ADAMTS17: variants seen among roughly 807,000 people sequenced by gnomAD.
ADAMTS17 encodes A disintegrin and metalloproteinase with thrombospondin motifs 17.
ADAMTS17 carries 113 observed loss-of-function variants against 141.5 expected under a neutral mutation model. The ratio of observed to expected loss-of-function variants is 0.80; its 90% CI spans 0.69 to 0.93. The LOEUF is 0.93. Ranked by LOEUF, ADAMTS17 falls within the 40% of genes least tolerant of loss-of-function variation. The pLI is 0.00. For missense variants in ADAMTS17, 1,659 were observed against 1,517.9 expected, an observed-to-expected ratio of 1.09 and a Z score of -1.54; for synonymous variants, 768 against 630.6, an observed-to-expected ratio of 1.22 and a Z score of -3.27.
At chr15:100,021,332 G>A (rs1036213851) in intron 18 of ADAMTS17, among the ~76,000 whole-genome samples, 1 of 152,072 alleles carries the variant, frequency 6.6e-6, no homozygotes, top group Non-Finnish European at 1.5e-5. Context: ...CGTCATCTTG[G>A]ACTGCTCTCT....
At chr15:100,086,167 G>A (rs1362787277) in intron 15 of ADAMTS17, among the ~76,000 whole-genome samples, 2 of 151,900 alleles carry the variant, frequency 1.3e-5, no homozygotes, top group African/African-American at 4.8e-5. Flanking sequence ...CCAAGCAGAT[G>A]GAAAACAGAA....
chr15:100,193,613 C>G (rs929274231), intron 8 of ADAMTS17, among the ~76,000 whole-genome samples: 1 of 152,192 alleles, frequency 6.6e-6, no homozygotes, highest in Non-Finnish European at 1.5e-5. Flanking sequence ...GCTTCCTCCC[C>G]GAGAGTGAGC....
At chr15:100,197,502 A>G (rs895850994) in intron 8 of ADAMTS17, among the ~76,000 whole-genome samples, 1 of 152,164 alleles carries the variant, frequency 6.6e-6, no homozygotes, top group Non-Finnish European at 1.5e-5. Context: ...TGGATACAGG[A>G]TTTTAAGAAC....
intron 20 of ADAMTS17, chr15:99,976,535 G>A (rs2060335144): frequency 1.9e-6 from 1 of 538,800 alleles, no homozygotes; most frequent in Admixed American, 3.1e-5. Flanking sequence ...ACTGTTTCAA[G>A]ATGTTATGGA....
At chr15:100,054,159 T>C in intron 15 of ADAMTS17, 105 bp from the exon 16 acceptor site, 3 of 1,326,788 alleles carry the variant, frequency 2.3e-6, no homozygotes, top group Non-Finnish European at 3.2e-6. Flanking sequence ...GAGGTCTCCC[T>C]TCCACAGGGG....
At chr15:100,045,923 A>C (rs1486026157) in intron 18 of ADAMTS17, among the ~76,000 whole-genome samples, 2 of 152,080 alleles carry the variant, frequency 1.3e-5, no homozygotes, top group African/African-American at 2.4e-5. Context: ...CTCTGTCACC[A>C]AGGCTGGAGT....
intron 2 of ADAMTS17, among the ~76,000 whole-genome samples, chr15:100,334,318 G>A (rs2046142675): frequency 6.6e-6 from 1 of 152,206 alleles, no homozygotes; most frequent in Non-Finnish European, 1.5e-5. Flanking sequence ...ATGCCTCTGT[G>A]GGAGGGGACA....
At chr15:100,210,366 G>C (rs540675174) in intron 7 of ADAMTS17, among the ~76,000 whole-genome samples, 1 of 151,502 alleles carries the variant, frequency 6.6e-6, no homozygotes, top group African/African-American at 2.4e-5. Context: ...GCACTAAAGA[G>C]TCCCATGCGG....
chr15:100,086,711 G>A lies in ADAMTS17; in HGVS notation c.2137+9645C>T, dbSNP rs895574219. 1.3e-5 allele frequency among the ~76,000 whole-genome samples: 2 copies of A among 149,728 alleles called. 1 individual carries two copies. Among genetic ancestry groups the A allele is most frequent in the Non-Finnish European group, 2.9e-5 (2 of 67,848 alleles). Reference sequence around the variant, plus strand: ...CTCACTCAAAACCGCTCAACTACATGGAAACTGAAAAATATGCTCCTGAAT... The same window carrying A: ...CTCACTCAAAACCGCTCAACTACATAGAAACTGAAAAATATGCTCCTGAAT... On this transcript the variant is annotated intron_variant, in intron 15 of 21. Transcript: ENST00000268070.
chr15:100,110,753 C>A (rs2036724621), intron 13 of ADAMTS17, among the ~76,000 whole-genome samples: 1 of 152,150 alleles, frequency 6.6e-6, no homozygotes, highest in African/African-American at 2.4e-5. Context: ...TCTTCTCCAC[C>A]AGGCCTCCTC....
At chr15:99,989,164 G>A (rs1430648394) in intron 20 of ADAMTS17, among the ~76,000 whole-genome samples, 2 of 152,152 alleles carry the variant, frequency 1.3e-5, no homozygotes, top group Non-Finnish European at 2.9e-5. Context: ...GGCGAGTCAC[G>A]GAACTGCTCT....
At chr15:100,141,071 A>G (rs910893847) in intron 10 of ADAMTS17, among the ~76,000 whole-genome samples, 1 of 152,230 alleles carries the variant, frequency 6.6e-6, no homozygotes, top group Non-Finnish European at 1.5e-5. Context: ...CAGTCCGTGC[A>G]CATGGCAAGG....
At chr15:100,117,737 G>GGGT (rs1207972869) in intron 12 of ADAMTS17, among the ~76,000 whole-genome samples, 2 of 152,162 alleles carry the variant, frequency 1.3e-5, no homozygotes, top group Non-Finnish European at 2.9e-5. Context: ...CAAGGCCCCA[G>GGGT]GGTGTCCTTG....
At chr15:100,040,475 A>G (rs1263890477) in intron 18 of ADAMTS17, among the ~76,000 whole-genome samples, 4 of 152,224 alleles carry the variant, frequency 2.6e-5, no homozygotes, top group Non-Finnish European at 5.9e-5. Flanking sequence ...TGACATAAAA[A>G]GTCAAATGGA....
intron 18 of ADAMTS17, among the ~76,000 whole-genome samples, chr15:100,012,434 G>T (rs1407590286): frequency 1.3e-5 from 2 of 152,120 alleles, no homozygotes; most frequent in African/African-American, 4.8e-5. Flanking sequence ...TTGCTTTTTA[G>T]TTCTTGGTTA....
At chr15:100,336,354 T>C (rs1460085689) in intron 2 of ADAMTS17, among the ~76,000 whole-genome samples, 1 of 152,210 alleles carries the variant, frequency 6.6e-6, no homozygotes, top group Non-Finnish European at 1.5e-5. Context: ...ACAGGAATGT[T>C]GTTCCAGAGG....
At chr15:100,118,173 T>A (rs1373469584) in intron 12 of ADAMTS17, among the ~76,000 whole-genome samples, 1 of 152,234 alleles carries the variant, frequency 6.6e-6, no homozygotes, top group Non-Finnish European at 1.5e-5. Flanking sequence ...GTGGGCCAAA[T>A]AGTCTCCAAC....
chr15:100,134,403 C>T (rs1046646749), intron 10 of ADAMTS17, among the ~76,000 whole-genome samples: 7 of 152,198 alleles, frequency 4.6e-5, no homozygotes, highest in South Asian at 2.1e-4. Flanking sequence ...CTTGTGAAGA[C>T]GCAGTGATTC....
rs568698799 is a variant in ADAMTS17, at chr15:100,224,071, G to A, written c.1076-24648C>T. 2.6e-5 allele frequency among the ~76,000 whole-genome samples: 4 copies of A among 152,158 alleles called. No individual in the cohort carries two copies. In the East Asian group the frequency reaches 5.8e-4, roughly 22 times the overall value. ...ATTCACTGGAAGCTGATTAGATTGT[G>A]CCCACCAGATTAAGGGTGGATCTGC... On this transcript the variant is annotated intron_variant, in intron 7 of 21. Coordinates refer to ENST00000268070, the MANE Select transcript of ADAMTS17 (RefSeq NM_139057.4).
Sources: allele counts gnomAD v4.1 joint callset (sites outside exome capture counted in the v4.1 genomes callset), GRCh38; gene constraint gnomAD v4.1.1; transcripts MANE v1.5; gene names NCBI Gene and HGNC (gene_info 2026-07-23, HGNC 2026-07-21).